Variants in ZNF827 observed in about 807,000 individuals in gnomAD.
The protein encoded by ZNF827 is zinc finger protein 827.
In ZNF827, 13 loss-of-function variants were observed where a neutral mutation model predicts 102.4. The ratio of observed to expected loss-of-function variants is 0.13; its 90% CI spans 0.08 to 0.20. The LOEUF (loss-of-function observed/expected upper bound fraction) is 0.20. Ranked by LOEUF, ZNF827 falls within the 10% of genes least tolerant of loss-of-function variation. ZNF827 has a pLI of 1.00. For synonymous variants in ZNF827, 523 were observed against 536.2 expected, an observed-to-expected ratio of 0.98 and a Z score of 0.34; for missense variants, 1,103 against 1,344.4, an observed-to-expected ratio of 0.82 and a Z score of 2.81.
At chr4:145,852,520 A>C (rs1746633181) in intron 5 of ZNF827, among the ~76,000 whole-genome samples, 1 of 152,216 alleles carries the variant, frequency 6.6e-6, no homozygotes, top group South Asian at 2.1e-4. Flanking sequence ...CAAGTGAAAC[A>C]CTGGACAAAT....
intron 7 of ZNF827, among the ~76,000 whole-genome samples, chr4:145,838,866 C>T (rs1333106306): frequency 6.6e-6 from 1 of 152,146 alleles, no homozygotes; most frequent in African/African-American, 2.4e-5. Context: ...AAGTTAAAAA[C>T]AACCATTAAA....
chr4:145,807,095 T>TTAA lies in ZNF827; in HGVS notation c.2383+16326_2383+16327insTTA, dbSNP rs1176844142. 3.2e-4 allele frequency among the ~76,000 whole-genome samples: 49 copies of TTAA among 152,346 alleles called. 2 individuals carry two copies. The South Asian group carries it at 0.01, about 32-fold the overall frequency. ...CTTTATTAATAACTTACAGGATGTG[T>TTAA]AACTTTAACGTTTCTGAAATGACTC... On this transcript the variant is annotated intron_variant, in intron 8 of 14. Transcript: ENST00000508784.
chr4:145,792,614 G>A (rs940183839), intron 8 of ZNF827, among the ~76,000 whole-genome samples: 1 of 151,930 alleles, frequency 6.6e-6, no homozygotes, highest in South Asian at 2.1e-4. Context: ...CTGCCGCCTC[G>A]AATTCCTGGG....
chr4:145,907,059 C>T, intron 1 of ZNF827: 3 of 456,602 alleles, frequency 6.6e-6, no homozygotes, highest in Middle Eastern at 3.3e-4. Flanking sequence ...TCTGGCAATA[C>T]CTGAGGTTAA....
chr4:145,831,278 G>T (rs1324397609), intron 7 of ZNF827: 1 of 152,144 alleles, frequency 6.6e-6, no homozygotes, highest in Non-Finnish European at 1.5e-5. Flanking sequence ...ACATAACAGG[G>T]ACCTCCTGTG....
At chr4:145,838,397 T>C (rs902832700) in intron 7 of ZNF827, among the ~76,000 whole-genome samples, 4 of 152,170 alleles carry the variant, frequency 2.6e-5, no homozygotes, top group Admixed American at 1.3e-4. Context: ...CTTAACTCCC[T>C]TCGCTGACTC....
rs536255266 is a variant in ZNF827, at chr4:145,935,836, C to T, written c.43+2529G>A. On this transcript the variant is annotated intron_variant, in intron 1 of 14. Coordinates refer to ENST00000508784, the MANE Select transcript of ZNF827 (RefSeq NM_001306215.2). ...GACGGAGAGGGTAGTCGCAGGAGGT[C>T]AGGGTCAAGGTCATCAGCAGGGCAC... is the stretch of plus-strand genomic sequence containing the variant. 3.2e-4 allele frequency among the ~76,000 whole-genome samples: 48 copies of T among 152,216 alleles called. 1 individual carries two copies. The highest frequency in any genetic ancestry group is 2.5e-3 in the South Asian group (12 of 4,816).
chr4:145,815,865 A>G (rs775868070), intron 8 of ZNF827, among the ~76,000 whole-genome samples: 3 of 152,228 alleles, frequency 2.0e-5, no homozygotes, highest in Non-Finnish European at 2.9e-5. Flanking sequence ...TCTTTGCAAA[A>G]GTAAAAAAGC....
intron 5 of ZNF827, among the ~76,000 whole-genome samples, chr4:145,868,380 A>G (rs1225933043): frequency 1.3e-5 from 2 of 152,192 alleles, no homozygotes; most frequent in Admixed American, 1.3e-4. Flanking sequence ...GGCAAAAATA[A>G]TTGTTGTCAG....
rs1219457217 is a variant in ZNF827 at position 145,762,897 on chromosome 4, A to ACTC, written c.*17+192_*17+193insGAG. 6.6e-6 allele frequency among the ~76,000 whole-genome samples: 1 copy of ACTC among 152,208 alleles called. No individual in the cohort carries two copies. The highest frequency in any genetic ancestry group is 1.9e-4 in the East Asian group (1 of 5,202). On this transcript the variant is annotated intron_variant, in intron 14 of 14. Coordinates refer to ENST00000508784, the MANE Select transcript of ZNF827 (RefSeq NM_001306215.2). This position sits in a 1 kb window ranked among gnomAD's most constrained non-coding sequence, Gnocchi z 4.9. ...CCTGCAGGGCAGGGCTCAGGAGTGG[A>ACTC]CTGTCCTCGGAGGGTCTGGAGAGGT... is the stretch of plus-strand genomic sequence containing the variant.
intron 4 of ZNF827, among the ~76,000 whole-genome samples, chr4:145,883,599 G>A (rs1749861337): frequency 6.6e-6 from 1 of 152,186 alleles, no homozygotes; most frequent in African/African-American, 2.4e-5. Flanking sequence ...CAGAAGCCAT[G>A]CATCATACAC....
At chr4:145,875,093 T>C (rs1176607189) in intron 4 of ZNF827, among the ~76,000 whole-genome samples, 1 of 152,234 alleles carries the variant, frequency 6.6e-6, no homozygotes, top group African/African-American at 2.4e-5. Flanking sequence ...TATTTTACAA[T>C]ATTTTCTAGT....
At chr4:145,823,371 G>A (rs545260796) in intron 8 of ZNF827, 51 bp downstream of exon 8, 4 of 1,450,788 alleles carry the variant, frequency 2.8e-6, no homozygotes, top group Non-Finnish European at 2.9e-6. Context: ...TTTCAGAAAA[G>A]TAATTCTTAA....
At chr4:145,801,066 T>TA (rs962296969) in intron 8 of ZNF827, among the ~76,000 whole-genome samples, 1 of 152,260 alleles carries the variant, frequency 6.6e-6, no homozygotes, top group Admixed American at 6.5e-5. Context: ...CACAAGGTAG[T>TA]AAAAAAGTCA....
At chr4:145,798,314 A>G (rs1053953904) in intron 8 of ZNF827, among the ~76,000 whole-genome samples, 3 of 152,246 alleles carry the variant, frequency 2.0e-5, no homozygotes, top group Non-Finnish European at 4.4e-5. Flanking sequence ...TTTAGGGGCC[A>G]AGCTACCCTG....
chr4:145,901,934 G>A (rs943322848), intron 2 of ZNF827, among the ~76,000 whole-genome samples: 1 of 152,176 alleles, frequency 6.6e-6, no homozygotes, highest in African/African-American at 2.4e-5. Flanking sequence ...AATGCTGTAT[G>A]TCTCTAAGAT....
intron 1 of ZNF827, among the ~76,000 whole-genome samples, chr4:145,931,955 T>C (rs1038235477): frequency 3.9e-5 from 6 of 152,158 alleles, no homozygotes; most frequent in South Asian, 4.1e-4. Flanking sequence ...TGTGATAGTA[T>C]TAGAGATGGG....
chr4:145,881,374 C>A (rs1158994823), intron 4 of ZNF827, among the ~76,000 whole-genome samples: 1 of 152,190 alleles, frequency 6.6e-6, no homozygotes, highest in Non-Finnish European at 1.5e-5. Context: ...GGAGACAGCA[C>A]AACAATTTTT....
At chr4:145,769,114 T>A (rs947459770) in intron 11 of ZNF827, among the ~76,000 whole-genome samples, 2 of 151,712 alleles carry the variant, frequency 1.3e-5, no homozygotes, top group Non-Finnish European at 2.9e-5. Context: ...CTGTCAGAAC[T>A]GCACTTAGGG....
Sources: allele counts gnomAD v4.1 joint callset (sites outside exome capture counted in the v4.1 genomes callset), GRCh38; gene constraint gnomAD v4.1.1; non-coding constraint Gnocchi (gnomAD v3.1); transcripts MANE v1.5; gene names NCBI Gene and HGNC (gene_info 2026-07-23, HGNC 2026-07-21).